The following SSBP3 variants were observed in gnomAD, a reference collection of about 807,000 sequenced individuals.
SSBP3 encodes the protein single-stranded DNA-binding protein 3.
A neutral mutation model predicts 69.6 loss-of-function variants in SSBP3; 5 were observed. The ratio of observed to expected loss-of-function variants is 0.07; its 90% CI spans 0.04 to 0.15. The LOEUF (loss-of-function observed/expected upper bound fraction) is 0.15, where lower values mean the gene tolerates loss of function less well. SSBP3 is among the 10% of genes least tolerant of loss of function. The pLI is 1.00. For synonymous variants in SSBP3, 196 were observed against 193.4 expected (o/e 1.01, Z -0.11); for missense variants, 312 against 534.0 (o/e 0.58, Z 4.10).
In SSBP3 at chr1:54,405,938, C is replaced by T; in HGVS notation, c.56+15G>A. On this transcript the variant is annotated intron_variant, in intron 1 of 17. Coordinates refer to ENST00000610401, the Ensembl canonical transcript of SSBP3. ...CCGGCGGCGGCGCGGCCGCCACTTG[C>T]AAAATAGGGCTTACTTTTCCCGAGC... 1.5e-6 allele frequency: 2 copies of T among 1,344,092 alleles called. No individual in the cohort carries two copies. The highest frequency in any genetic ancestry group is 1.9e-6 in the Non-Finnish European group (2 of 1,030,352). 83.3% of individuals were successfully genotyped at this position (1,344,092 alleles called of 1,614,324 possible). A position where few individuals can be genotyped will look rare whatever the true frequency, so the allele number is the denominator to read the frequency against.
At chr1:54,323,663 C>T (rs1317154459) in intron 4 of SSBP3, among the ~76,000 whole-genome samples, 2 of 152,154 alleles carry the variant, frequency 1.3e-5, no homozygotes, top group African/African-American at 2.4e-5. Flanking sequence ...CAAAGCTCAG[C>T]CTTGGATTGC....
rs1189418537 is a variant in SSBP3 at position 54,258,261 on chromosome 1, C to T, written c.367-112G>A. ...AAACGAAGGGTGGGCGGCGGGCGTG[C>T]GGGGGGGTGGGCTCTGGTTGGTGGG... On this transcript the variant is annotated intron_variant, in intron 5 of 17. Transcript: ENST00000610401. This position sits in a 1 kb window ranked among gnomAD's most constrained non-coding sequence, Gnocchi z 4.5. 5 of 149,788 alleles carry T rather than the reference C, an allele frequency of 3.3e-5. No homozygotes were observed. The highest frequency in any genetic ancestry group is 6.6e-5 in the Non-Finnish European group (5 of 75,642). 9.3% of individuals were successfully genotyped at this position (149,788 alleles called of 1,614,324 possible).
At chr1:54,406,878 T>G (rs1167916061), upstream of SSBP3, among the ~76,000 whole-genome samples, 2 of 109,164 alleles carry the variant, frequency 1.8e-5, no homozygotes, top group African/African-American at 7.2e-5. Flanking sequence ...AGCCCAGCCC[T>G]TATCTCGCCC....
intron 5 of SSBP3, among the ~76,000 whole-genome samples, chr1:54,264,997 C>T (rs1312466665): frequency 6.6e-6 from 1 of 152,118 alleles, no homozygotes; most frequent in Non-Finnish European, 1.5e-5. Context: ...TACAAAATTA[C>T]AATAATTATA....
At chr1:54,245,863 A>G (rs1386989486) in intron 9 of SSBP3, among the ~76,000 whole-genome samples, 4 of 152,244 alleles carry the variant, frequency 2.6e-5, no homozygotes, top group African/African-American at 9.7e-5. Context: ...CCAAATGACA[A>G]TAGTGCTTAT....
intron 4 of SSBP3, among the ~76,000 whole-genome samples, chr1:54,333,183 G>C (rs1646450473): frequency 6.6e-6 from 1 of 152,168 alleles, no homozygotes; most frequent in Non-Finnish European, 1.5e-5. Flanking sequence ...CAGCTACGTG[G>C]GTGTGCCTGG....
chr1:54,398,035 C>T (rs904515196), intron 4 of SSBP3, among the ~76,000 whole-genome samples: 2 of 152,276 alleles, frequency 1.3e-5, no homozygotes, highest in African/African-American at 4.8e-5. Flanking sequence ...CTGCAAATAC[C>T]TCCCCTCTGT....
At chr1:54,313,150 T>C (rs1458255871) in intron 4 of SSBP3, among the ~76,000 whole-genome samples, 1 of 148,772 alleles carries the variant, frequency 6.7e-6, no homozygotes, top group African/African-American at 2.5e-5. Context: ...TCCAAGACAA[T>C]GGGTGTACAA....
chr1:54,389,878 C>CA (rs200220387), intron 4 of SSBP3, among the ~76,000 whole-genome samples: 70 of 113,878 alleles, frequency 6.1e-4, no homozygotes, highest in South Asian at 1.8e-3. Context: ...GACCCTGTCT[C>CA]AAAAAAAAAA....
Position 54,258,172 on chromosome 1 carries a change from C to T in SSBP3, c.367-23G>A, listed in dbSNP as rs1351855849. 6 of 1,554,604 alleles carry T rather than the reference C, an allele frequency of 3.9e-6. No individual in the cohort carries two copies. Among genetic ancestry groups the T allele is most frequent in the Admixed American group, 4.1e-5 (2 of 48,896 alleles). ...ACCCTGTGAGGCCAGACAGTAGAGG[C>T]AGGTTATAGATCACAGCACATGGAG... On this transcript the variant is annotated intron_variant, in intron 5 of 17. Transcript: ENST00000610401. This position sits in a 1 kb window ranked among gnomAD's most constrained non-coding sequence, Gnocchi z 4.5.
chr1:54,344,237 A>G (rs1243973207), intron 4 of SSBP3, among the ~76,000 whole-genome samples: 1 of 152,240 alleles, frequency 6.6e-6, no homozygotes, highest in Non-Finnish European at 1.5e-5. Context: ...GAGAAGTGGA[A>G]TTACCAGAGT....
chr1:54,311,961 C>T (rs1646011354), intron 4 of SSBP3, among the ~76,000 whole-genome samples: 2 of 152,140 alleles, frequency 1.3e-5, no homozygotes, highest in Non-Finnish European at 1.5e-5. Flanking sequence ...TAAGCCTAAA[C>T]CCAAGACTGC....
At chr1:54,370,454 C>T (rs1479718779) in intron 4 of SSBP3, among the ~76,000 whole-genome samples, 5 of 152,200 alleles carry the variant, frequency 3.3e-5, no homozygotes, top group Admixed American at 1.3e-4. Context: ...ATGTCTGACA[C>T]GAGCAAGGGA....
intron 4 of SSBP3, among the ~76,000 whole-genome samples, chr1:54,282,974 T>C (rs1051106615): frequency 7.2e-5 from 11 of 152,118 alleles, no homozygotes; most frequent in Middle Eastern, 6.8e-3. Context: ...GGCAGTAAAA[T>C]AGGAACCAGA....
intron 4 of SSBP3, among the ~76,000 whole-genome samples, chr1:54,323,394 G>C (rs1374576457): frequency 6.6e-6 from 1 of 152,186 alleles, no homozygotes; most frequent in South Asian, 2.1e-4. Context: ...CCAGCAGGTG[G>C]GGCTGGGAGT....
At chr1:54,285,890 C>T (rs566665664) in intron 4 of SSBP3, among the ~76,000 whole-genome samples, 1 of 152,306 alleles carries the variant, frequency 6.6e-6, no homozygotes, top group Admixed American at 6.5e-5. Context: ...AGCCCACGGA[C>T]AGGCCCCTTT....
intron 4 of SSBP3, among the ~76,000 whole-genome samples, chr1:54,346,844 G>A (rs568901121): frequency 6.6e-6 from 1 of 151,568 alleles, no homozygotes; most frequent in African/African-American, 2.4e-5. Context: ...TAGAAATACA[G>A]TCTCCTATGG....
intron 4 of SSBP3, among the ~76,000 whole-genome samples, chr1:54,292,251 C>G (rs1383046754): frequency 1.3e-5 from 2 of 152,224 alleles, no homozygotes; most frequent in Non-Finnish European, 2.9e-5. Flanking sequence ...TACCTGACTT[C>G]AACATCCACA....
chr1:54,406,059 G>A, exon 1 of SSBP3: 3 of 1,407,182 alleles, frequency 2.1e-6, no homozygotes, highest in East Asian at 3.2e-5. Flanking sequence ...CGCCGCCGCC[G>A]CTACCGCTCC....
Sources: allele counts gnomAD v4.1 joint callset (sites outside exome capture counted in the v4.1 genomes callset), GRCh38; gene constraint gnomAD v4.1.1; non-coding constraint Gnocchi (gnomAD v3.1); transcripts MANE v1.5; gene names NCBI Gene and HGNC (gene_info 2026-07-23, HGNC 2026-07-21).